Variants in ACACB observed in about 807,000 individuals in gnomAD.
ACACB encodes acetyl-CoA carboxylase beta, also known as acetyl-CoA carboxylase 2.
ACACB carries 209 observed loss-of-function variants against 278.8 expected under a neutral mutation model. The observed-to-expected ratio is 0.75, with a 90% CI of 0.67 to 0.84. The LOEUF is 0.84. Ranked by LOEUF, ACACB falls within the 40% of genes least tolerant of loss-of-function variation. The pLI is 0.00. For synonymous variants in ACACB, 1,174 were observed against 1,285.6 expected, an observed-to-expected ratio of 0.91 and a Z score of 1.86; for missense variants, 2,850 against 3,269.0, an observed-to-expected ratio of 0.87 and a Z score of 3.13.
Position 109,266,905 on chromosome 12 carries a change from A to ATTTTTTT in ACACB, c.*554_*560dup, listed in dbSNP as rs34748130. The ATTTTTTT allele has an allele frequency of 7.2e-6, 1 of 139,268 alleles. No homozygotes were observed. The highest frequency in any genetic ancestry group is 1.5e-5 in the Non-Finnish European group (1 of 65,848). The allele number at this position is 139,268 out of a possible 1,614,324, so 8.6% of individuals were successfully genotyped here. A position where few individuals can be genotyped will look rare whatever the true frequency, so the allele number is the denominator to read the frequency against. Reference sequence around the variant, plus strand: ...GTCACCCAGAAAAATGTATGGATGAATTTTTTTTTTTTTTTTTGAGACAAA... The same window carrying ATTTTTTT: ...GTCACCCAGAAAAATGTATGGATGAATTTTTTTTTTTTTTTTTTTTTTTTGAGACAAA... On this transcript the variant is annotated 3_prime_UTR_variant, in exon 53 of 53. Coordinates refer to ENST00000338432, the MANE Select transcript of ACACB (RefSeq NM_001093.4).
chr12:109,173,105 G>A (rs2136191826), intron 6 of ACACB, among the ~76,000 whole-genome samples: 1 of 152,240 alleles, frequency 6.6e-6, no homozygotes, highest in Admixed American at 6.5e-5. Context: ...CTTATAAGTG[G>A]GAGCTAAATG....
At chr12:109,132,951 C>T (rs751774970) in intron 1 of ACACB, among the ~76,000 whole-genome samples, 8 of 152,122 alleles carry the variant, frequency 5.3e-5, no homozygotes, top group Admixed American at 1.3e-4. Flanking sequence ...CTTTACCTGC[C>T]ATCCCTCTAT....
Position 109,188,171 on chromosome 12 carries a change from C to T in ACACB, c.2144+9C>T, listed in dbSNP as rs2044730313. The T allele has an allele frequency of 7.4e-7, 1 of 1,356,042 alleles. No homozygotes were observed. Among genetic ancestry groups the T allele is most frequent in the Non-Finnish European group, 9.9e-7 (1 of 1,010,924 alleles). The allele number at this position is 1,356,042 out of a possible 1,614,324, so 84.0% of individuals were successfully genotyped here. A position where few individuals can be genotyped will look rare whatever the true frequency, so the allele number is the denominator to read the frequency against. ...CGGGAAGAGGCCATTTCGTCAGTAT[C>T]TCCTTCCTTCCTTCCTTCCTTCCTT... On this transcript the variant is annotated intron_variant, in intron 13 of 52. Coordinates refer to ENST00000338432, the MANE Select transcript of ACACB (RefSeq NM_001093.4).
chr12:109,157,060 C>T lies in ACACB; in HGVS notation c.654-9801C>T, dbSNP rs143661275. The stretch of plus-strand genomic sequence containing the variant: ...TGGAATTGTCCCAGCAAGTCCAGGA[C>T]GTGGGGTCCCCCTATTTATAATAAT... On this transcript the variant is annotated intron_variant, in intron 2 of 52. Transcript: ENST00000338432. 3.9e-4 allele frequency among the ~76,000 whole-genome samples: 60 copies of T among 151,918 alleles called. 1 individual carries two copies. Among genetic ancestry groups the T allele is most frequent in the African/African-American group, 1.1e-3 (46 of 41,492 alleles).
rs745423076 is a variant in ACACB, at chr12:109,223,821, A to T, written c.3799A>T (p.Ile1267Leu). Residue 1267 changes from isoleucine (I) to leucine (L), a missense_variant, in exon 27 of 53, where the codon ATA (isoleucine) becomes TTA (leucine). Ile to Leu is a conservative substitution (Grantham distance 5). Coordinates refer to ENST00000338432, the MANE Select transcript of ACACB (RefSeq NM_001093.4). ...CCCTTTTCATTTCCCTTAGAAATTA[A>T]TACTTTCGGAAACAACCATCTTCGA... Reference protein sequence around the residue: ...QFCPENLKKLILSETTIFDVL... With the variant: ...QFCPENLKKLLLSETTIFDVL... 6.2e-7 allele frequency: 1 copy of T among 1,613,498 alleles called. No homozygotes were observed. The highest frequency in any genetic ancestry group is 1.7e-5 in the Admixed American group (1 of 60,016).
chr12:109,201,524 A>AG (rs2045330914), intron 18 of ACACB, 43 bp from the exon 19 acceptor site: 1 of 1,605,316 alleles, frequency 6.2e-7, no homozygotes, highest in Non-Finnish European at 8.5e-7. Context: ...TCTGGGTGTC[A>AG]ATCCCGGTGG....
intron 49 of ACACB, chr12:109,262,982 A>ATATATATATATT (rs1168270528): frequency 7.3e-6 from 1 of 137,636 alleles, no homozygotes; most frequent in Non-Finnish European, 1.6e-5. Context: ...ATATATATAT[A>ATATATATATATT]TTGCCATCGT....
chr12:109,246,019 A>G (rs1354979932), intron 38 of ACACB, among the ~76,000 whole-genome samples, 160 bp from the exon 39 acceptor site: 2 of 152,114 alleles, frequency 1.3e-5, no homozygotes, highest in African/African-American at 4.8e-5. Context: ...AAGCCCAGAA[A>G]GTTGAGGCTG....
At chr12:109,143,877 C>T (rs895859657) in intron 2 of ACACB, among the ~76,000 whole-genome samples, 4 of 152,054 alleles carry the variant, frequency 2.6e-5, no homozygotes, top group South Asian at 2.1e-4. Context: ...TTGGAAACAA[C>T]GCATATCAAA....
intron 1 of ACACB, among the ~76,000 whole-genome samples, chr12:109,120,906 C>T (rs181690397): frequency 8.5e-5 from 13 of 152,264 alleles, no homozygotes; most frequent in Admixed American, 4.6e-4. Context: ...CAGCATAAGA[C>T]TCAGTGTGTA....
chr12:109,171,436 G>A (rs896598785), intron 4 of ACACB, among the ~76,000 whole-genome samples: 7 of 151,284 alleles, frequency 4.6e-5, no homozygotes, highest in African/African-American at 1.7e-4. Flanking sequence ...TGCTACCTCC[G>A]CCTCCTGGGT....
At chr12:109,234,084 G>T (rs991987895) in intron 31 of ACACB, 39 bp downstream of exon 31, 2 of 1,511,892 alleles carry the variant, frequency 1.3e-6, no homozygotes, top group Non-Finnish European at 1.8e-6. Context: ...GGGGGTTCTT[G>T]GAGAAGGAGG....
At chr12:109,131,908 G>A (rs556479599) in intron 1 of ACACB, among the ~76,000 whole-genome samples, 4 of 152,186 alleles carry the variant, frequency 2.6e-5, no homozygotes, top group South Asian at 4.2e-4. Flanking sequence ...GCCCCCCCAC[G>A]CCACCGTCTG....
intron 11 of ACACB, among the ~76,000 whole-genome samples, chr12:109,181,567 A>C (rs1314805843): frequency 6.6e-6 from 1 of 152,090 alleles, no homozygotes; most frequent in African/African-American, 2.4e-5. Context: ...GTTGATGGAC[A>C]TTTAGGTTGA....
At chr12:109,141,076 A>G (rs920144981) in intron 2 of ACACB, among the ~76,000 whole-genome samples, 1 of 151,102 alleles carries the variant, frequency 6.6e-6, no homozygotes, top group Admixed American at 6.6e-5. Context: ...TAATTTTTAA[A>G]TTTTTTATAG....
intron 9 of ACACB, among the ~76,000 whole-genome samples, chr12:109,177,080 C>T (rs1052791180): frequency 1.3e-5 from 2 of 152,206 alleles, no homozygotes; most frequent in African/African-American, 4.8e-5. Context: ...TTCTTCTAGA[C>T]CTTCTTCATA....
chr12:109,232,613 C>T (rs569968740), intron 28 of ACACB, 56 bp from the exon 29 acceptor site: 5 of 1,586,260 alleles, frequency 3.2e-6, no homozygotes, highest in African/African-American at 1.3e-5. Context: ...AGGAGCAGCT[C>T]GTAGAGTTGG....
chr12:109,240,023 G>C (rs200664440), intron 35 of ACACB, 38 bp downstream of exon 35: 1 of 1,602,030 alleles, frequency 6.2e-7, no homozygotes, highest in Non-Finnish European at 8.5e-7. Context: ...CGGGCTCTGG[G>C]TTCACCCTCT....
rs763378476 is a variant in ACACB at position 109,139,510 on chromosome 12, T to C, written c.105T>C (p.Ser35=). 4 of 1,612,996 alleles carry C rather than the reference T, an allele frequency of 2.5e-6. No homozygotes were observed. Among genetic ancestry groups the C allele is most frequent in the Non-Finnish European group, 3.4e-6 (4 of 1,179,748 alleles). ...CGGACTCCAAGCCGATCACCAAGAG[T>C]AAATCAGAAGCAAACCTCATCCCGA... ...KMTDSKPITK[S]KSEANLIPSQ... Residue 35 remains serine (S), a synonymous_variant, in exon 2 of 53, where the codon AGT becomes AGC. Coordinates refer to ENST00000338432, the MANE Select transcript of ACACB (RefSeq NM_001093.4).
Sources: allele counts gnomAD v4.1 joint callset (sites outside exome capture counted in the v4.1 genomes callset), GRCh38; gene constraint gnomAD v4.1.1; transcripts MANE v1.5; gene names NCBI Gene and HGNC (gene_info 2026-07-23, HGNC 2026-07-21).